The following SPATA13 variants were observed in gnomAD, a reference collection of about 807,000 sequenced individuals.
SPATA13 encodes spermatogenesis-associated protein 13.
SPATA13 carries 50 observed loss-of-function variants against 104.0 expected under a neutral mutation model. The observed-to-expected ratio is 0.48, with a 90% CI of 0.38 to 0.61. The LOEUF (loss-of-function observed/expected upper bound fraction) is 0.61, where lower values mean the gene tolerates loss of function less well. Among genes scored for constraint, SPATA13 ranks in the 20% least tolerant of loss-of-function variants. The pLI is 0.00. For synonymous variants in SPATA13, 606 were observed against 667.5 expected (o/e 0.91, Z 1.42); for missense variants, 1,524 against 1,690.6 (o/e 0.90, Z 1.73).
intron 3 of SPATA13, among the ~76,000 whole-genome samples, chr13:24,032,173 C>T (rs2137717104): frequency 6.6e-6 from 1 of 152,274 alleles, no homozygotes; most frequent in East Asian, 1.9e-4. Flanking sequence ...TAGGCTGGTT[C>T]AGCTACAACC....
At chr13:23,988,210 G>T in intron 2 of SPATA13, among the ~76,000 whole-genome samples, 1 of 152,208 alleles carries the variant, frequency 6.6e-6, no homozygotes, top group East Asian at 1.9e-4. Flanking sequence ...GCCTCCTGAA[G>T]TGCTGGGATT....
chr13:24,238,132 C>CA (rs1872661982), intron 2 of SPATA13, among the ~76,000 whole-genome samples: 1 of 77,142 alleles, frequency 1.3e-5, no homozygotes, highest in East Asian at 4.1e-4. Context: ...TTCTTCTTGA[C>CA]TTTTTTTTTT....
chr13:24,245,413 C>T (rs1003638180), intron 2 of SPATA13, among the ~76,000 whole-genome samples: 1 of 151,998 alleles, frequency 6.6e-6, no homozygotes, highest in Non-Finnish European at 1.5e-5. Context: ...TTCCTCTATC[C>T]TTCTCTTTGT....
chr13:24,151,622 T>A (rs1245358407), intron 3 of SPATA13, among the ~76,000 whole-genome samples: 1 of 152,206 alleles, frequency 6.6e-6, no homozygotes, highest in Non-Finnish European at 1.5e-5. Flanking sequence ...TCCTTTTTTT[T>A]AAGAGTGTTG....
At chr13:24,041,844 G>A (rs1877941025) in intron 3 of SPATA13, among the ~76,000 whole-genome samples, 1 of 152,192 alleles carries the variant, frequency 6.6e-6, no homozygotes, top group Non-Finnish European at 1.5e-5. Flanking sequence ...CGAGCAAAGG[G>A]CAGAGAAGAC....
intron 2 of SPATA13, among the ~76,000 whole-genome samples, chr13:24,016,340 A>G (rs542573954): frequency 6.6e-6 from 1 of 152,280 alleles, no homozygotes; most frequent in African/African-American, 2.4e-5. Flanking sequence ...CCCAGTAGCT[A>G]CCATTTCCAT....
At chr13:24,281,200 C>G (rs747895398) in intron 4 of SPATA13, among the ~76,000 whole-genome samples, 1 of 152,246 alleles carries the variant, frequency 6.6e-6, no homozygotes, top group Non-Finnish European at 1.5e-5. Context: ...GCGCTTTCTT[C>G]TGCCTCTTGG....
intron 4 of SPATA13, among the ~76,000 whole-genome samples, chr13:24,259,169 C>T (rs1001289228): frequency 6.6e-6 from 1 of 152,232 alleles, no homozygotes; most frequent in Non-Finnish European, 1.5e-5. Context: ...TACCTCCTTG[C>T]TAAGCCCAAG....
intron 1 of SPATA13, among the ~76,000 whole-genome samples, chr13:24,216,960 AG>A (rs1871287423): frequency 6.6e-6 from 1 of 152,184 alleles, no homozygotes; most frequent in Non-Finnish European, 1.5e-5. Context: ...CTGAGGTGGG[AG>A]GATCACTTGA....
intron 4 of SPATA13, among the ~76,000 whole-genome samples, chr13:24,278,131 AGAATG>A (rs1875156786): frequency 6.6e-6 from 1 of 152,240 alleles, no homozygotes; most frequent in African/African-American, 2.4e-5. Flanking sequence ...GCTGCTCTCC[AGAATG>A]GGAGCAAAAC....
At chr13:24,126,289 A>C (rs1013118072) in intron 3 of SPATA13, among the ~76,000 whole-genome samples, 3 of 152,110 alleles carry the variant, frequency 2.0e-5, no homozygotes, top group African/African-American at 7.2e-5. Flanking sequence ...GTACAGCCTA[A>C]GGCCAATGAA....
At chr13:24,216,518 G>C (rs2138598224) in intron 1 of SPATA13, among the ~76,000 whole-genome samples, 1 of 152,276 alleles carries the variant, frequency 6.6e-6, no homozygotes, top group South Asian at 2.1e-4. Context: ...CACAAACATT[G>C]AACTTCAGTG....
intron 1 of SPATA13, among the ~76,000 whole-genome samples, chr13:24,207,909 T>G (rs1870795065): frequency 6.6e-6 from 1 of 152,196 alleles, no homozygotes; most frequent in East Asian, 1.9e-4. Context: ...CCTCAGATTC[T>G]TGCATCTGTG....
chr13:24,243,470 A>G (rs144407080), intron 2 of SPATA13, among the ~76,000 whole-genome samples: 30 of 152,334 alleles, frequency 2.0e-4, no homozygotes, highest in African/African-American at 7.0e-4. Flanking sequence ...CATGCTAAGT[A>G]TGCAGGCTTT....
chr13:24,037,510 C>T (rs9553148), intron 3 of SPATA13, among the ~76,000 whole-genome samples: 29,159 of 151,602 alleles, frequency 0.19, 2,814 homozygotes, highest in Middle Eastern at 0.24. Flanking sequence ...TGGGTTCAAG[C>T]GATTCTCCTG....
At chr13:24,245,233 A>G (rs1174912680) in intron 2 of SPATA13, among the ~76,000 whole-genome samples, 1 of 152,110 alleles carries the variant, frequency 6.6e-6, no homozygotes, top group Non-Finnish European at 1.5e-5. Flanking sequence ...ACCAAACTAC[A>G]TTCCCTGGAA....
chr13:24,246,885 G>A (rs544390373), intron 2 of SPATA13, among the ~76,000 whole-genome samples: 29 of 152,214 alleles, frequency 1.9e-4, no homozygotes, highest in African/African-American at 6.5e-4. Context: ...GACTCAAGGA[G>A]GTGGTTAGAA....
chr13:24,231,235 C>T (rs1261564563), intron 2 of SPATA13, among the ~76,000 whole-genome samples: 1 of 152,204 alleles, frequency 6.6e-6, no homozygotes, highest in Non-Finnish European at 1.5e-5. Flanking sequence ...TTCACCACCC[C>T]AGAAAGAAGC....
Position 24,012,038 on chromosome 13 carries a change from G to A in SPATA13, c.-146-5629G>A, listed in dbSNP as rs536071827. ...GCTGATGACTTACTGAGAAGATGAA[G>A]GCAGTGGTTTCTTGCAGCCATTGTG... On this transcript the variant is annotated intron_variant, in intron 2 of 14. Coordinates refer to the SPATA13 transcript ENST00000424834. Among the ~76,000 whole-genome samples, 6 of 152,356 alleles carry A rather than the reference G, an allele frequency of 3.9e-5. No homozygotes were observed. The East Asian group carries it at 9.6e-4, about 25-fold the overall frequency.
Sources: allele counts gnomAD v4.1 joint callset (sites outside exome capture counted in the v4.1 genomes callset), GRCh38; gene constraint gnomAD v4.1.1; transcripts MANE v1.5; gene names NCBI Gene and HGNC (gene_info 2026-07-23, HGNC 2026-07-21).